Variants in SEZ6L observed in about 807,000 individuals in gnomAD.
The protein encoded by SEZ6L is seizure 6-like protein.
SEZ6L carries 37 observed loss-of-function variants against 106.2 expected under a neutral mutation model. That is an observed-to-expected ratio of 0.35 (90% CI 0.27 to 0.46). The LOEUF (loss-of-function observed/expected upper bound fraction) is 0.46, where lower values mean the gene tolerates loss of function less well. Among genes scored for constraint, SEZ6L ranks in the 20% least tolerant of loss-of-function variants. The pLI is 1.00. For missense variants in SEZ6L, 1,172 were observed against 1,332.8 expected (o/e 0.88, Z 1.88); for synonymous variants, 541 against 570.4 (o/e 0.95, Z 0.73).
intron 1 of SEZ6L, among the ~76,000 whole-genome samples, chr22:26,209,085 T>A (rs1355617401): frequency 6.6e-6 from 1 of 152,200 alleles, no homozygotes; most frequent in African/African-American, 2.4e-5. Flanking sequence ...AGTTTTCAAT[T>A]CCAGAGTTTT....
chr22:26,271,644 G>A (rs1249086225), intron 1 of SEZ6L, among the ~76,000 whole-genome samples: 3 of 152,102 alleles, frequency 2.0e-5, no homozygotes, highest in Non-Finnish European at 4.4e-5. Context: ...TCTCTCTCTT[G>A]TTTCTGTTCT....
intron 1 of SEZ6L, among the ~76,000 whole-genome samples, chr22:26,230,145 C>T (rs913276018): frequency 5.9e-5 from 9 of 152,294 alleles, no homozygotes; most frequent in East Asian, 1.9e-4. Flanking sequence ...GCTCAGCTTA[C>T]AGGCTGTAGA....
At chr22:26,205,343 A>C (rs1185998398) in intron 1 of SEZ6L, among the ~76,000 whole-genome samples, 1 of 152,204 alleles carries the variant, frequency 6.6e-6, no homozygotes, top group Non-Finnish European at 1.5e-5. Context: ...AGTAGACATC[A>C]GTTGTTACTA....
chr22:26,262,472 A>G (rs1286972840), intron 1 of SEZ6L, among the ~76,000 whole-genome samples: 2 of 152,178 alleles, frequency 1.3e-5, no homozygotes, highest in Non-Finnish European at 2.9e-5. Flanking sequence ...TTATTCTTGT[A>G]TTCAAGTATT....
At chr22:26,299,229 C>T (rs1231173220) in intron 5 of SEZ6L, 60 bp downstream of exon 5, 5 of 1,273,980 alleles carry the variant, frequency 3.9e-6, no homozygotes, top group Non-Finnish European at 5.0e-6. Context: ...GAAAGACCAA[C>T]CTGTAGGACA....
At chr22:26,330,720 C>G (rs1323082160) in intron 9 of SEZ6L, among the ~76,000 whole-genome samples, 1 of 150,982 alleles carries the variant, frequency 6.6e-6, no homozygotes, top group Non-Finnish European at 1.5e-5. Context: ...CTATTACCAG[C>G]TACTTCTTTT....
At chr22:26,272,984 G>A (rs1217546436) in intron 1 of SEZ6L, among the ~76,000 whole-genome samples, 1 of 152,198 alleles carries the variant, frequency 6.6e-6, no homozygotes, top group Non-Finnish European at 1.5e-5. Context: ...AGGATTAAAT[G>A]AGACAATGCA....
At chr22:26,359,698 G>A (rs958121030) in intron 12 of SEZ6L, among the ~76,000 whole-genome samples, 2 of 152,072 alleles carry the variant, frequency 1.3e-5, no homozygotes, top group Non-Finnish European at 2.9e-5. Flanking sequence ...CCAGCGACTC[G>A]GGAGGCTAAG....
At chr22:26,357,076 A>T (rs1183786642) in intron 12 of SEZ6L, among the ~76,000 whole-genome samples, 2 of 151,706 alleles carry the variant, frequency 1.3e-5, no homozygotes, top group African/African-American at 2.4e-5. Flanking sequence ...CTCAGGCTCC[A>T]GAGTAGCTGG....
intron 1 of SEZ6L, among the ~76,000 whole-genome samples, chr22:26,182,113 A>G (rs1368926319): frequency 6.6e-6 from 1 of 152,232 alleles, no homozygotes; most frequent in Non-Finnish European, 1.5e-5. Flanking sequence ...CATCTCCCAG[A>G]TAGTAGAAAC....
chr22:26,259,906 G>A (rs889751533), intron 1 of SEZ6L, among the ~76,000 whole-genome samples: 8 of 152,252 alleles, frequency 5.3e-5, no homozygotes, highest in Non-Finnish European at 1.0e-4. Flanking sequence ...TGACTATATA[G>A]GGATCTAATT....
intron 9 of SEZ6L, among the ~76,000 whole-genome samples, chr22:26,335,364 A>G (rs1241858310): frequency 2.6e-5 from 4 of 152,094 alleles, no homozygotes; most frequent in Non-Finnish European, 5.9e-5. Flanking sequence ...CAGTCTGAAA[A>G]TCTTATAACC....
chr22:26,353,036 T>C (rs574726235), intron 12 of SEZ6L, among the ~76,000 whole-genome samples: 1 of 152,334 alleles, frequency 6.6e-6, no homozygotes, highest in Non-Finnish European at 1.5e-5. Flanking sequence ...AAAATTTCCA[T>C]TTCTGTGTTC....
intron 1 of SEZ6L, among the ~76,000 whole-genome samples, chr22:26,271,527 C>G (rs948699563): frequency 3.3e-5 from 5 of 152,200 alleles, no homozygotes; most frequent in African/African-American, 1.2e-4. Flanking sequence ...CGGATCCCCC[C>G]TCATGATCAT....
At chr22:26,224,909 C>G (rs1268623690) in intron 1 of SEZ6L, among the ~76,000 whole-genome samples, 1 of 152,142 alleles carries the variant, frequency 6.6e-6, no homozygotes, top group Non-Finnish European at 1.5e-5. Flanking sequence ...CAGCCATCTG[C>G]AGTTCAGCTG....
intron 9 of SEZ6L, among the ~76,000 whole-genome samples, chr22:26,323,782 T>C (rs1186083306): frequency 6.6e-6 from 1 of 152,102 alleles, no homozygotes; most frequent in African/African-American, 2.4e-5. Context: ...TCATTGATGA[T>C]GATGATGATG....
chr22:26,270,819 G>C (rs1428174598), intron 1 of SEZ6L, among the ~76,000 whole-genome samples: 7 of 152,128 alleles, frequency 4.6e-5, no homozygotes, highest in Admixed American at 3.3e-4. Context: ...TCCTCCTCCT[G>C]CCTGGACAAC....
chr22:26,379,783 T>A (rs982093922), intron 16 of SEZ6L, among the ~76,000 whole-genome samples: 2 of 152,266 alleles, frequency 1.3e-5, no homozygotes, highest in African/African-American at 4.8e-5. Context: ...CATGAATGAA[T>A]ACTTATTAGT....
intron 9 of SEZ6L, among the ~76,000 whole-genome samples, chr22:26,338,293 A>G (rs1291501397): frequency 1.3e-5 from 2 of 152,200 alleles, no homozygotes; most frequent in African/African-American, 2.4e-5. Flanking sequence ...TTCTATGCCT[A>G]TCCCCATACC....
Sources: allele counts gnomAD v4.1 joint callset (sites outside exome capture counted in the v4.1 genomes callset), GRCh38; gene constraint gnomAD v4.1.1; transcripts MANE v1.5; gene names NCBI Gene and HGNC (gene_info 2026-07-23, HGNC 2026-07-21).